Variants in SEMA3D observed in about 807,000 individuals in gnomAD.
SEMA3D encodes semaphorin 3D, also known as semaphorin-3D.
Under a neutral mutation model 100.1 loss-of-function variants are expected in SEMA3D, and 84 were observed. The ratio of observed to expected loss-of-function variants is 0.84; its 90% CI spans 0.70 to 1.01. The LOEUF is 1.01. Ranked by LOEUF, SEMA3D falls within the 50% of genes least tolerant of loss-of-function variation. The probability of loss-of-function intolerance (pLI) is 0.00; values close to 1 mark genes in which losing one functional copy is unlikely to be tolerated. For synonymous variants in SEMA3D, 312 were observed against 320.7 expected (o/e 0.97, Z 0.29); for missense variants, 875 against 934.1 (o/e 0.94, Z 0.82).
chr7:85,014,456 A>C (rs1045825449), intron 16 of SEMA3D, among the ~76,000 whole-genome samples: 1 of 151,856 alleles, frequency 6.6e-6, no homozygotes, highest in African/African-American at 2.4e-5. Context: ...TGTATATAGA[A>C]CAAATTCCTA....
intron 9 of SEMA3D, chr7:85,050,347 T>G (rs1791130091): frequency 6.3e-6 from 1 of 159,476 alleles, no homozygotes; most frequent in African/African-American, 2.4e-5. Flanking sequence ...AGATATTAAC[T>G]GTTTCACAAA....
Position 85,039,969 on chromosome 7 carries a change from C to CTTTTT in SEMA3D, c.1046+699_1046+703dup, listed in dbSNP as rs776990536. Reference sequence around the variant, plus strand: ...ACTATGATTAATATATACGCAAACACTTTTTTTTTTTTTTTTTTTTTTTTG... The same window carrying CTTTTT: ...ACTATGATTAATATATACGCAAACACTTTTTTTTTTTTTTTTTTTTTTTTTTTTTG... On this transcript the variant is annotated intron_variant, in intron 11 of 18. Coordinates refer to ENST00000284136, the MANE Select transcript of SEMA3D (RefSeq NM_001384900.1). Among the ~76,000 whole-genome samples, 77 of 90,596 alleles carry CTTTTT rather than the reference C, an allele frequency of 8.5e-4. 1 individual carries two copies. Among genetic ancestry groups the CTTTTT allele is most frequent in the African/African-American group, 2.9e-3 (59 of 20,196 alleles). The allele number at this position is 90,596 out of a possible 152,430, so 59.4% of individuals were successfully genotyped here. A position where few individuals can be genotyped will look rare whatever the true frequency, so the allele number is the denominator to read the frequency against.
intron 4 of SEMA3D, among the ~76,000 whole-genome samples, chr7:85,094,067 A>G (rs1217919822): frequency 1.3e-5 from 2 of 152,040 alleles, no homozygotes; most frequent in Non-Finnish European, 2.9e-5. Context: ...AAAGACACAG[A>G]ACTTGATAGT....
intron 11 of SEMA3D, among the ~76,000 whole-genome samples, 195 bp downstream of exon 11, chr7:85,040,478 G>C (rs1403451574): frequency 1.3e-5 from 2 of 150,704 alleles, no homozygotes; most frequent in Admixed American, 1.3e-4. Context: ...ATGCTATACT[G>C]GCTTAAAAAG....
At chr7:85,130,343 A>G (rs746274893) in intron 2 of SEMA3D, among the ~76,000 whole-genome samples, 2 of 152,200 alleles carry the variant, frequency 1.3e-5, no homozygotes, top group South Asian at 2.1e-4. Flanking sequence ...AGTAATAGTT[A>G]TTTAGTGAAC....
At chr7:85,185,271 C>T (rs1189482923) in intron 1 of SEMA3D, among the ~76,000 whole-genome samples, 2 of 152,028 alleles carry the variant, frequency 1.3e-5, no homozygotes, top group Non-Finnish European at 2.9e-5. Flanking sequence ...GGAGATGTCT[C>T]AGACCTCTCC....
chr7:85,014,542 C>T (rs976840877), intron 16 of SEMA3D, among the ~76,000 whole-genome samples: 3 of 151,532 alleles, frequency 2.0e-5, no homozygotes, highest in East Asian at 1.9e-4. Context: ...GCAAGGAAAC[C>T]GTTTGTTGTT....
At chr7:85,197,194 T>C in the SEMA3D span, among the ~76,000 whole-genome samples, 1 of 152,168 alleles carries the variant, frequency 6.6e-6, no homozygotes, top group Non-Finnish European at 1.5e-5. Context: ...AGAATCTCTA[T>C]TAACATAGCT....
chr7:85,073,910 C>A (rs1044173018), intron 5 of SEMA3D, among the ~76,000 whole-genome samples: 1 of 152,124 alleles, frequency 6.6e-6, no homozygotes, highest in African/African-American at 2.4e-5. Context: ...AAAAATATTT[C>A]TTTATGTCAT....
At chr7:85,001,812 C>G (rs759362747) in intron 18 of SEMA3D, among the ~76,000 whole-genome samples, 5 of 152,040 alleles carry the variant, frequency 3.3e-5, no homozygotes, top group East Asian at 1.9e-4. Context: ...TATTTTGAAG[C>G]CTTTATTACT....
At chr7:85,045,182 G>A (rs1302097874) in intron 9 of SEMA3D, among the ~76,000 whole-genome samples, 2 of 151,950 alleles carry the variant, frequency 1.3e-5, no homozygotes, top group South Asian at 2.1e-4. Context: ...CTAGGGAAAA[G>A]GACAATGGGT....
At chr7:85,077,032 G>A (rs1791944723) in intron 5 of SEMA3D, among the ~76,000 whole-genome samples, 1 of 151,560 alleles carries the variant, frequency 6.6e-6, no homozygotes, top group Non-Finnish European at 1.5e-5. Flanking sequence ...CTTGAACCCG[G>A]GCAGCAGAGG....
At chr7:85,133,582 T>A (rs1369973916) in intron 2 of SEMA3D, among the ~76,000 whole-genome samples, 1 of 151,976 alleles carries the variant, frequency 6.6e-6, no homozygotes, top group Non-Finnish European at 1.5e-5. Flanking sequence ...GTTTTTACCA[T>A]GTGTTATAGC....
intron 1 of SEMA3D, among the ~76,000 whole-genome samples, chr7:85,182,508 A>C (rs1466382334): frequency 6.6e-6 from 1 of 152,206 alleles, no homozygotes; most frequent in Non-Finnish European, 1.5e-5. Flanking sequence ...GGTATAAAAA[A>C]TTAGGGAAGA....
intron 1 of SEMA3D, among the ~76,000 whole-genome samples, chr7:85,168,858 A>G (rs929762878): frequency 1.5e-5 from 2 of 136,980 alleles, no homozygotes; most frequent in African/African-American, 2.8e-5. Context: ...AGAAAGAAAG[A>G]AAGAAAGAAA....
At position 85,055,776 on chromosome 7, in the gene SEMA3D, A is replaced by G; in HGVS notation, c.802T>C (p.Ser268Pro). The change falls in exon 9 of 19, where the codon TCT becomes CCT. Residue 268 changes from serine (S) to proline (P), a missense_variant. By Grantham distance (74) the Ser-to-Pro change is moderately conservative. Coordinates refer to ENST00000284136, the MANE Select transcript of SEMA3D (RefSeq NM_001384900.1). The part of the protein sequence containing the change: ...DKIYFFFRES[S>P]QEGSTSDKTI... ...TTATCGGAGGTACTGCCTTCTTGAG[A>G]TGATTCACGAAAGAAGAAATATATT... 6.4e-7 allele frequency: 1 copy of G among 1,573,454 alleles called. No homozygotes were observed. The highest frequency in any genetic ancestry group is 8.7e-7 in the Non-Finnish European group (1 of 1,147,506).
rs778624339 is a variant in SEMA3D at position 85,065,381 on chromosome 7, C to T, written c.718+43G>A. The T allele has an allele frequency of 1.3e-6, 2 of 1,591,644 alleles. 1 individual carries two copies. Among genetic ancestry groups the T allele is most frequent in the South Asian group, 2.2e-5 (2 of 89,460 alleles). ...TAATACACTTCTTATCTATCTTAAACCAAAGCAAGACAATCAAAAGTAAAC... is the reference window on the plus strand; with the variant it reads ...TAATACACTTCTTATCTATCTTAAATCAAAGCAAGACAATCAAAAGTAAAC... On this transcript the variant is annotated intron_variant, in intron 8 of 18. Transcript: ENST00000284136.
At chr7:85,174,258 C>G (rs774919641) in intron 1 of SEMA3D, among the ~76,000 whole-genome samples, 3 of 152,118 alleles carry the variant, frequency 2.0e-5, no homozygotes, top group Non-Finnish European at 4.4e-5. Context: ...AAATTGTCTA[C>G]TTCAGGGCCA....
chr7:85,245,003 G>A, the SEMA3D span, among the ~76,000 whole-genome samples: 2 of 152,076 alleles, frequency 1.3e-5, no homozygotes, highest in Non-Finnish European at 2.9e-5. Flanking sequence ...GAGCCACTGC[G>A]CCCGGCCAGA....
Sources: allele counts gnomAD v4.1 joint callset (sites outside exome capture counted in the v4.1 genomes callset), GRCh38; gene constraint gnomAD v4.1.1; transcripts MANE v1.5; gene names NCBI Gene and HGNC (gene_info 2026-07-23, HGNC 2026-07-21).